The following ZFP1 variants were observed in gnomAD, a reference collection of about 807,000 sequenced individuals.
ZFP1 encodes ZFP1 zinc finger protein.
ZFP1 carries 32 observed loss-of-function variants against 38.5 expected under a neutral mutation model. That is an observed-to-expected ratio of 0.83 (90% CI 0.63 to 1.12). ZFP1 has a LOEUF of 1.12. Ranked by LOEUF, ZFP1 falls within the 50% of genes most tolerant of loss-of-function variation. ZFP1 has a pLI of 0.00. For missense variants in ZFP1, 616 were observed against 480.8 expected (o/e 1.28, Z -2.63); for synonymous variants, 245 against 168.8 (o/e 1.45, Z -3.50).
intron 2 of ZFP1, among the ~76,000 whole-genome samples, chr16:75,160,085 C>T (rs2037687918): frequency 6.6e-6 from 1 of 152,218 alleles, no homozygotes; most frequent in Non-Finnish European, 1.5e-5. Context: ...CCTCCACCTA[C>T]ACATATTAGG....
chr16:75,134,886 C>T, the ZFP1 span, among the ~76,000 whole-genome samples: 1 of 151,838 alleles, frequency 6.6e-6, no homozygotes, highest in Non-Finnish European at 1.5e-5. Flanking sequence ...GGAGAAACCC[C>T]ATCTCTACTA....
chr16:75,144,772 C>T (rs952526959), upstream of ZFP1, among the ~76,000 whole-genome samples: 17 of 152,146 alleles, frequency 1.1e-4, no homozygotes, highest in Admixed American at 7.2e-4. Flanking sequence ...ATCCTAGGTA[C>T]GTCATATAAA....
At chr16:75,144,898 A>G (rs1265735308), upstream of ZFP1, among the ~76,000 whole-genome samples, 1 of 152,122 alleles carries the variant, frequency 6.6e-6, no homozygotes, top group African/African-American at 2.4e-5. Flanking sequence ...TCGTGCAATC[A>G]TAGGTCACTG....
chr16:75,150,847 C>A (rs1161438979), intron 1 of ZFP1, among the ~76,000 whole-genome samples: 10 of 152,140 alleles, frequency 6.6e-5, no homozygotes, highest in Non-Finnish European at 1.3e-4. Context: ...TTGATTGAGA[C>A]AGGGTCTGTC....
At chr16:75,121,372 A>G in the ZFP1 span, among the ~76,000 whole-genome samples, 7 of 151,844 alleles carry the variant, frequency 4.6e-5, no homozygotes, top group Non-Finnish European at 1.0e-4. Flanking sequence ...TGATCCGCCC[A>G]CCTCGGCCCC....
chr16:75,158,381 C>G (rs772010534), intron 2 of ZFP1, among the ~76,000 whole-genome samples: 13 of 151,150 alleles, frequency 8.6e-5, no homozygotes, highest in Non-Finnish European at 1.6e-4. Flanking sequence ...CAGGATCTCT[C>G]TTTCTCACCC....
At chr16:75,162,845 C>T (rs958209942) in intron 2 of ZFP1, among the ~76,000 whole-genome samples, 1 of 151,680 alleles carries the variant, frequency 6.6e-6, no homozygotes, top group Non-Finnish European at 1.5e-5. Flanking sequence ...TGATTTCATT[C>T]TTTTATATGG....
At chr16:75,140,277 A>C in the ZFP1 span, among the ~76,000 whole-genome samples, 1 of 151,996 alleles carries the variant, frequency 6.6e-6, no homozygotes, top group Non-Finnish European at 1.5e-5. Flanking sequence ...TCAAAAAAAA[A>C]AAAAGTTGAG....
At chr16:75,158,021 T>TA (rs1226078919) in intron 2 of ZFP1, among the ~76,000 whole-genome samples, 12 of 151,888 alleles carry the variant, frequency 7.9e-5, no homozygotes, top group Admixed American at 7.2e-4. Flanking sequence ...CCCCTAGGCT[T>TA]ACGAGATCTG....
upstream of ZFP1, among the ~76,000 whole-genome samples, chr16:75,143,898 C>T (rs1299190392): frequency 6.6e-6 from 1 of 152,026 alleles, no homozygotes; most frequent in Non-Finnish European, 1.5e-5. Flanking sequence ...AAGGGATCTG[C>T]CTGCCTTGGC....
chr16:75,133,503 ATAAG>A, the ZFP1 span, among the ~76,000 whole-genome samples: 3 of 152,148 alleles, frequency 2.0e-5, no homozygotes, highest in African/African-American at 7.2e-5. Flanking sequence ...GCTCCCACTT[ATAAG>A]TGAGAACCTG....
the ZFP1 span, among the ~76,000 whole-genome samples, chr16:75,119,979 T>C: frequency 6.6e-6 from 1 of 152,242 alleles, no homozygotes; most frequent in African/African-American, 2.4e-5. Flanking sequence ...ACCTTTTTGC[T>C]AGCCAGGCCA....
At chr16:75,161,488 C>A (rs1027614421) in intron 2 of ZFP1, among the ~76,000 whole-genome samples, 1 of 151,478 alleles carries the variant, frequency 6.6e-6, no homozygotes, top group Admixed American at 6.6e-5. Context: ...GATTGCTCTC[C>A]TGTGCTTGCA....
chr16:75,120,872 G>A, the ZFP1 span, among the ~76,000 whole-genome samples: 9 of 151,648 alleles, frequency 5.9e-5, no homozygotes, highest in African/African-American at 9.7e-5. Flanking sequence ...TGATCCGCCC[G>A]CCTCAGCCTC....
chr16:75,161,658 T>G (rs1285670719), intron 2 of ZFP1, among the ~76,000 whole-genome samples: 1 of 149,240 alleles, frequency 6.7e-6, no homozygotes, highest in African/African-American at 2.5e-5. Context: ...CAGCTGGTGT[T>G]CTGAAATTTC....
intron 2 of ZFP1, among the ~76,000 whole-genome samples, chr16:75,161,055 AT>A (rs139206040): frequency 0.033 from 5,029 of 151,270 alleles, 297 homozygotes; most frequent in African/African-American, 0.12. Context: ...ACCAGTTTGT[AT>A]TTTTTTTTAA....
the ZFP1 span, among the ~76,000 whole-genome samples, chr16:75,139,368 CAAAAAA>C: frequency 1.6e-3 from 69 of 42,768 alleles, 1 homozygote; most frequent in African/African-American, 7.0e-3. Flanking sequence ...GACTCCATCT[CAAAAAA>C]AAAAAAAAAA....
the ZFP1 span, among the ~76,000 whole-genome samples, chr16:75,131,495 A>T: frequency 1.3e-5 from 2 of 152,046 alleles, no homozygotes; most frequent in South Asian, 2.1e-4. Context: ...CATCACCAAA[A>T]CAACGATCTA....
At chr16:75,132,867 C>G in the ZFP1 span, among the ~76,000 whole-genome samples, 1 of 151,734 alleles carries the variant, frequency 6.6e-6, no homozygotes, top group Admixed American at 6.6e-5. Flanking sequence ...ACCATGTTGG[C>G]CAGGCTGGTC....
Sources: gnomAD v4.1 joint callset for allele counts (sites outside exome capture counted in the v4.1 genomes callset) on GRCh38, gnomAD v4.1.1 for gene constraint, MANE v1.5 for transcripts, NCBI Gene and HGNC (gene_info 2026-07-23, HGNC 2026-07-21) for gene names.